The following KCNQ5 variants were observed in gnomAD, a reference collection of about 807,000 sequenced individuals.
KCNQ5 encodes the protein potassium voltage-gated channel subfamily KQT member 5.
KCNQ5 carries 30 observed loss-of-function variants against 98.2 expected under a neutral mutation model. The ratio of observed to expected loss-of-function variants is 0.31; its 90% CI spans 0.23 to 0.41. The LOEUF (loss-of-function observed/expected upper bound fraction) is 0.41. Among genes scored for constraint, KCNQ5 ranks in the 10% least tolerant of loss-of-function variants. The pLI is 1.00. For missense variants in KCNQ5, 835 were observed against 1,182.5 expected (o/e 0.71, Z 4.31); for synonymous variants, 458 against 449.4 (o/e 1.02, Z -0.24).
chr6:73,024,096 A>G (rs1207306025), intron 2 of KCNQ5, among the ~76,000 whole-genome samples: 4 of 152,178 alleles, frequency 2.6e-5, no homozygotes, highest in Non-Finnish European at 4.4e-5. Flanking sequence ...CTCTTAACGC[A>G]TCAAAGGGAA....
chr6:72,744,065 T>C lies in KCNQ5; in HGVS notation c.398+121478T>C, dbSNP rs372702939. 3.3e-5 allele frequency among the ~76,000 whole-genome samples: 5 copies of C among 151,602 alleles called. No individual in the cohort carries two copies. The East Asian group carries it at 5.8e-4, about 18-fold the overall frequency. On this transcript the variant is annotated intron_variant, in intron 1 of 13. Transcript: ENST00000370398. ...AATCACCAGGTCAGGGAAAAGATACTGGTAAATCATGCACTGGCACTTAAA... is the reference window on the plus strand; with the variant it reads ...AATCACCAGGTCAGGGAAAAGATACCGGTAAATCATGCACTGGCACTTAAA...
At chr6:73,042,481 C>T (rs966273022) in intron 3 of KCNQ5, among the ~76,000 whole-genome samples, 1 of 152,122 alleles carries the variant, frequency 6.6e-6, no homozygotes, top group Non-Finnish European at 1.5e-5. Flanking sequence ...TTTTGCTCTA[C>T]AATATGACAC....
At chr6:72,819,144 A>G (rs1340298921) in intron 1 of KCNQ5, among the ~76,000 whole-genome samples, 1 of 151,840 alleles carries the variant, frequency 6.6e-6, no homozygotes, top group Non-Finnish European at 1.5e-5. Flanking sequence ...TATTTATTTT[A>G]ATTTTTTAAT....
At chr6:72,935,064 C>CTTTTTTTTTTTTTTTT (rs59215198) in intron 1 of KCNQ5, among the ~76,000 whole-genome samples, 1 of 99,200 alleles carries the variant, frequency 1.0e-5, no homozygotes, top group Non-Finnish European at 1.9e-5. Context: ...CTTGTTCTAT[C>CTTTTTTTTTTTTTTTT]TTTTTTTTTT....
At chr6:73,088,436 T>C (rs1214368421) in intron 5 of KCNQ5, among the ~76,000 whole-genome samples, 2 of 152,192 alleles carry the variant, frequency 1.3e-5, no homozygotes, top group Admixed American at 6.5e-5. Context: ...GTTCTACTTT[T>C]GAAAAACTTG....
At chr6:73,069,665 G>A (rs1317736042) in intron 3 of KCNQ5, among the ~76,000 whole-genome samples, 2 of 152,112 alleles carry the variant, frequency 1.3e-5, no homozygotes, top group African/African-American at 4.8e-5. Context: ...GGCACAAGTG[G>A]CCTTGACTGG....
intron 1 of KCNQ5, among the ~76,000 whole-genome samples, chr6:72,699,838 GTTAAA>G (rs1768703214): frequency 6.6e-6 from 1 of 152,128 alleles, no homozygotes; most frequent in African/African-American, 2.4e-5. Flanking sequence ...TACTTAGACT[GTTAAA>G]TTAAACTTCT....
At chr6:72,696,571 TGTGATGCTGA>T (rs912450747) in intron 1 of KCNQ5, among the ~76,000 whole-genome samples, 14 of 152,098 alleles carry the variant, frequency 9.2e-5, no homozygotes, top group African/African-American at 3.4e-4. Context: ...AACATTTTTG[TGTGATGCTGA>T]GTGGCAACTC....
At chr6:72,805,923 T>A (rs9442853) in intron 1 of KCNQ5, among the ~76,000 whole-genome samples, 1 of 151,998 alleles carries the variant, frequency 6.6e-6, no homozygotes, top group Admixed American at 6.6e-5. Context: ...TATTTGTAGC[T>A]GTTGTAAATG....
At chr6:73,078,182 AGTTT>A (rs1471023847) in intron 5 of KCNQ5, among the ~76,000 whole-genome samples, 3 of 151,560 alleles carry the variant, frequency 2.0e-5, no homozygotes, top group African/African-American at 7.2e-5. Context: ...AAACATTGAT[AGTTT>A]GTTTATTTGT....
rs1400935004 is a variant in KCNQ5 at position 73,133,422 on chromosome 6, C to A, written c.1249C>A (p.Gln417Lys). 3 of 1,613,690 alleles carry A rather than the reference C, an allele frequency of 1.9e-6. No homozygotes were observed. Among genetic ancestry groups the A allele is most frequent in the African/African-American group, 2.7e-5 (2 of 74,882 alleles). The change falls in exon 10 of 14, where the codon CAG becomes AAG. Residue 417 changes from glutamine (Q) to lysine (K), a missense_variant and splice_region_variant. Coordinates refer to ENST00000370398, the MANE Select transcript of KCNQ5 (RefSeq NM_019842.4). ...KKEQGEASSS[Q>K]KLSFKERVRM... ...TAATCATGCCTCTGTTCTCCACAGT[C>A]AGAAGCTAAGTTTTAAGGAGCGAGT...
intron 1 of KCNQ5, among the ~76,000 whole-genome samples, chr6:72,765,836 T>G (rs548219693): frequency 6.6e-6 from 1 of 151,838 alleles, no homozygotes; most frequent in African/African-American, 2.4e-5. Flanking sequence ...GAAACAAGAG[T>G]GGAAACTGGG....
intron 1 of KCNQ5, among the ~76,000 whole-genome samples, chr6:72,753,712 G>T (rs1018850983): frequency 1.3e-5 from 2 of 151,996 alleles, no homozygotes; most frequent in Non-Finnish European, 2.9e-5. Context: ...CATGATGTTT[G>T]CCACTCATAG....
At chr6:72,878,157 C>T (rs1778494634) in intron 1 of KCNQ5, among the ~76,000 whole-genome samples, 1 of 152,188 alleles carries the variant, frequency 6.6e-6, no homozygotes, top group Non-Finnish European at 1.5e-5. Flanking sequence ...GTAATCCCAG[C>T]TACTTGGGAG....
chr6:72,680,061 A>T (rs972719111), intron 1 of KCNQ5, among the ~76,000 whole-genome samples: 4 of 152,316 alleles, frequency 2.6e-5, no homozygotes, highest in African/African-American at 4.8e-5. Context: ...AAAAAATTTT[A>T]AAAAGTATAA....
At chr6:72,650,793 C>A in intron 1 of KCNQ5, among the ~76,000 whole-genome samples, 1 of 152,036 alleles carries the variant, frequency 6.6e-6, no homozygotes. Context: ...AAGAAATATT[C>A]CTAGCCTTCA....
intron 7 of KCNQ5, among the ~76,000 whole-genome samples, chr6:73,118,484 A>G (rs1331021904): frequency 6.6e-6 from 1 of 151,638 alleles, no homozygotes; most frequent in Non-Finnish European, 1.5e-5. Context: ...TAATGAACAT[A>G]TATAAGCATA....
Position 72,644,353 on chromosome 6 carries a change from A to G in KCNQ5, c.398+21766A>G, listed in dbSNP as rs79010534. On this transcript the variant is annotated intron_variant, in intron 1 of 13. Coordinates refer to ENST00000370398, the MANE Select transcript of KCNQ5 (RefSeq NM_019842.4). ...TACCTGAATGTTGTTTATCTTACAC[A>G]TATTTTCTCCGTAAGGCACATCACA... Among the ~76,000 whole-genome samples, 1,402 of 152,254 alleles carry G rather than the reference A, an allele frequency of 9.2e-3. 11 individuals carry two copies. Among genetic ancestry groups the G allele is most frequent in the East Asian group, 0.021 (107 of 5,188 alleles).
intron 1 of KCNQ5, among the ~76,000 whole-genome samples, chr6:72,846,418 T>A (rs1417569686): frequency 6.6e-6 from 1 of 151,882 alleles, no homozygotes; most frequent in Non-Finnish European, 1.5e-5. Context: ...GCACAGTGGC[T>A]CACACCTGTA....
Sources: gnomAD v4.1 joint callset for allele counts (sites outside exome capture counted in the v4.1 genomes callset) on GRCh38, gnomAD v4.1.1 for gene constraint, MANE v1.5 for transcripts, NCBI Gene and HGNC (gene_info 2026-07-23, HGNC 2026-07-21) for gene names.